The following CPD variants were observed in gnomAD, a reference collection of about 807,000 sequenced individuals.
The protein encoded by CPD is metallocarboxypeptidase D.
A neutral mutation model predicts 138.3 loss-of-function variants in CPD; 69 were observed. The observed-to-expected ratio is 0.50, with a 90% confidence interval of 0.41 to 0.61. The LOEUF is 0.61. Ranked by LOEUF, CPD falls within the 20% of genes least tolerant of loss-of-function variation. The pLI is 0.00. For synonymous variants in CPD, 651 were observed against 642.1 expected (o/e 1.01, Z -0.21); for missense variants, 1,432 against 1,733.3 (o/e 0.83, Z 3.09).
At chr17:30,422,468 T>C (rs1213070396) in intron 4 of CPD, among the ~76,000 whole-genome samples, 1 of 152,178 alleles carries the variant, frequency 6.6e-6, no homozygotes, top group South Asian at 2.1e-4. Flanking sequence ...CTTGAGAAGA[T>C]TTGGTGAGAG....
chr17:30,443,743 C>T lies in CPD; in HGVS notation c.2374-59C>T, dbSNP rs1371229641. 9 of 1,463,082 alleles carry T rather than the reference C, an allele frequency of 6.2e-6. No homozygotes were observed. The African/African-American group carries it at 8.4e-5, about 14-fold the overall frequency. 90.6% of individuals were successfully genotyped at this position (1,463,082 alleles called of 1,614,324 possible). A position where few individuals can be genotyped will look rare whatever the true frequency, so the allele number is the denominator to read the frequency against. ...ATCTGTTATTTTGAATATGACCTCCCAAGATAATTAGATGATGATGTTTAT... is the reference window on the plus strand; with the variant it reads ...ATCTGTTATTTTGAATATGACCTCCTAAGATAATTAGATGATGATGTTTAT... On this transcript the variant is annotated intron_variant, in intron 10 of 20. Coordinates refer to ENST00000225719, the MANE Select transcript of CPD (RefSeq NM_001304.5).
chr17:30,418,132 A>G (rs926575043), intron 2 of CPD, among the ~76,000 whole-genome samples: 2 of 152,134 alleles, frequency 1.3e-5, no homozygotes, highest in Non-Finnish European at 2.9e-5. Context: ...CTCAACTCCA[A>G]AATTGAAATT....
intron 2 of CPD, among the ~76,000 whole-genome samples, chr17:30,387,639 T>G (rs1207862722): frequency 6.6e-6 from 1 of 152,248 alleles, no homozygotes; most frequent in Non-Finnish European, 1.5e-5. Flanking sequence ...TGAAATGCCT[T>G]AGGTCTTCCT....
Position 30,417,555 on chromosome 17 carries a change from T to A in CPD, c.995-3286T>A, listed in dbSNP as rs574126377. Among the ~76,000 whole-genome samples the A allele has an allele frequency of 5.3e-4, 80 of 152,318 alleles. 2 individuals carry two copies. In the South Asian group the frequency reaches 0.015, roughly 29 times the overall value. ...GTTAATGGCATCATCATTAGCCCAATTGATCAGGCCAGAGGTCCTCTTTGA... is the reference window on the plus strand; with the variant it reads ...GTTAATGGCATCATCATTAGCCCAAATGATCAGGCCAGAGGTCCTCTTTGA... On this transcript the variant is annotated intron_variant, in intron 2 of 20. Coordinates refer to ENST00000225719, the MANE Select transcript of CPD (RefSeq NM_001304.5).
chr17:30,437,773 T>C (rs1912741088), intron 8 of CPD, among the ~76,000 whole-genome samples: 1 of 112,200 alleles, frequency 8.9e-6, no homozygotes, highest in Admixed American at 9.4e-5. Flanking sequence ...TTTTATTTGA[T>C]AAGAGAGTGA....
chr17:30,379,064 G>A lies in CPD; in HGVS notation c.84G>A (p.Ser28=). Residue 28 remains serine (S), a synonymous_variant, in exon 1 of 21, where the codon TCG becomes TCA. Coordinates refer to ENST00000225719, the MANE Select transcript of CPD (RefSeq NM_001304.5). This position sits in a 1 kb window ranked among gnomAD's most constrained non-coding sequence, Gnocchi z 7.0. Reference sequence around the variant, plus strand: ...TGTGCCTGCTGCTGCTGGGGAGCTCGGCCCGGGCGGCTCACATCAAGAAGG... The same window carrying A: ...TGTGCCTGCTGCTGCTGGGGAGCTCAGCCCGGGCGGCTCACATCAAGAAGG... ...LLMCLLLLGS[S]ARAAHIKKAE... is the part of the protein sequence containing the mutation. 6.4e-7 allele frequency: 1 copy of A among 1,559,798 alleles called. No individual in the cohort carries two copies.
chr17:30,430,402 G>A (rs1912531272), intron 7 of CPD, among the ~76,000 whole-genome samples: 4 of 152,072 alleles, frequency 2.6e-5, no homozygotes, highest in Admixed American at 2.0e-4. Flanking sequence ...GACCTTTCGT[G>A]TCTGGCTTCT....
chr17:30,401,398 C>T (rs1326725860), intron 2 of CPD, among the ~76,000 whole-genome samples: 3 of 150,760 alleles, frequency 2.0e-5, no homozygotes, highest in African/African-American at 4.9e-5. Flanking sequence ...TCCTCTTCTT[C>T]CTCCTCCTCT....
chr17:30,442,158 A>G (rs1966497815), intron 9 of CPD, 150 bp from the exon 10 acceptor site: 1 of 576,118 alleles, frequency 1.7e-6, no homozygotes, highest in Admixed American at 3.2e-5. Flanking sequence ...CTTGTATCGC[A>G]AGCATCAAAG....
At chr17:30,405,006 T>C (rs1221270500) in intron 2 of CPD, among the ~76,000 whole-genome samples, 1 of 152,024 alleles carries the variant, frequency 6.6e-6, no homozygotes, top group East Asian at 1.9e-4. Context: ...GATTAAAGAG[T>C]TTACTTGGTA....
chr17:30,398,244 A>C (rs1159828459), intron 2 of CPD, among the ~76,000 whole-genome samples: 2 of 150,116 alleles, frequency 1.3e-5, no homozygotes, highest in Non-Finnish European at 2.9e-5. Context: ...AGAACAGAAT[A>C]GAATAATAGA....
intron 2 of CPD, among the ~76,000 whole-genome samples, chr17:30,405,359 C>CT (rs1911777725): frequency 6.6e-6 from 1 of 152,136 alleles, no homozygotes; most frequent in African/African-American, 2.4e-5. Context: ...ACCCCTTTAT[C>CT]TGTAGCTATC....
chr17:30,448,868 G>A (rs1375845578), intron 12 of CPD, among the ~76,000 whole-genome samples: 1 of 152,062 alleles, frequency 6.6e-6, no homozygotes, highest in African/African-American at 2.4e-5. Flanking sequence ...TTGGGAGGCT[G>A]AGGTGGGAGG....
chr17:30,397,239 A>G (rs1240295943), intron 2 of CPD, among the ~76,000 whole-genome samples: 1 of 152,216 alleles, frequency 6.6e-6, no homozygotes, highest in African/African-American at 2.4e-5. Flanking sequence ...TGACTATTGT[A>G]ATAATTCAAT....
intron 8 of CPD, among the ~76,000 whole-genome samples, chr17:30,436,325 T>G (rs1276045874): frequency 6.6e-6 from 1 of 152,010 alleles, no homozygotes; most frequent in Non-Finnish European, 1.5e-5. Context: ...AAAAAATAAA[T>G]AAATAGATGA....
At chr17:30,380,499 G>C (rs73987917) in intron 1 of CPD, 1 of 1,354,018 alleles carries the variant, frequency 7.4e-7, no homozygotes, top group Admixed American at 3.5e-5. Flanking sequence ...TTATTAGCCT[G>C]GGCAGAATGG....
In CPD at chr17:30,385,189, C is replaced by A; in HGVS notation, c.947C>A (p.Thr316Asn). 6.2e-7 allele frequency: 1 copy of A among 1,613,988 alleles called. No homozygotes were observed. Among genetic ancestry groups the A allele is most frequent in the Non-Finnish European group, 8.5e-7 (1 of 1,179,942 alleles). ...CATTGTCCAGGAGATGAAGACGAGA[C>A]TTTCAAAGATGGAATCACAAACGGC... ...EPHCPGDEDE[T>N]FKDGITNGAH... Residue 316 changes from threonine to asparagine, a missense_variant, in exon 2 of 21, where the codon ACT (threonine) becomes AAT (asparagine). Transcript: ENST00000225719.
At chr17:30,455,773 G>A (rs1457541617) in intron 15 of CPD, 4 of 271,972 alleles carry the variant, frequency 1.5e-5, no homozygotes, top group African/African-American at 2.2e-5. Flanking sequence ...AGTATGACAC[G>A]GTTTCTGCCT....
At chr17:30,436,081 A>AG (rs911246192) in intron 8 of CPD, among the ~76,000 whole-genome samples, 4 of 152,194 alleles carry the variant, frequency 2.6e-5, no homozygotes, top group African/African-American at 9.7e-5. Flanking sequence ...TGAGGTACTG[A>AG]GGGTTAGGAC....
Sources: gnomAD v4.1 joint callset for allele counts (sites outside exome capture counted in the v4.1 genomes callset) on GRCh38, gnomAD v4.1.1 for gene constraint, Gnocchi (gnomAD v3.1) non-coding constraint, MANE v1.5 for transcripts, NCBI Gene and HGNC (gene_info 2026-07-23, HGNC 2026-07-21) for gene names.